SHROOM3: variants seen among roughly 807,000 people sequenced by gnomAD.
The protein encoded by SHROOM3 is shroom family member 3.
In SHROOM3, 47 loss-of-function variants were observed where a neutral mutation model predicts 138.6. The ratio of observed to expected loss-of-function variants is 0.34; its 90% confidence interval spans 0.27 to 0.43. SHROOM3 has a LOEUF of 0.43. Ranked by LOEUF, SHROOM3 falls within the 20% of genes least tolerant of loss-of-function variation. The pLI, the probability that SHROOM3 is intolerant of heterozygous loss-of-function variation, is 1.00. For missense variants in SHROOM3, 2,491 were observed against 2,596.5 expected, an observed-to-expected ratio of 0.96 and a Z score of 0.88; for synonymous variants, 1,062 against 1,063.3, an observed-to-expected ratio of 1.00 and a Z score of 0.02.
chr4:76,769,555 T>TA (rs1370318010), intron 9 of SHROOM3, among the ~76,000 whole-genome samples: 19 of 152,180 alleles, frequency 1.2e-4, no homozygotes, highest in Admixed American at 6.5e-5. Flanking sequence ...GCTTCACTGT[T>TA]TTATAAGTAT....
chr4:76,750,525 G>A (rs1332634473), intron 6 of SHROOM3, among the ~76,000 whole-genome samples: 1 of 152,148 alleles, frequency 6.6e-6, no homozygotes, highest in Non-Finnish European at 1.5e-5. Flanking sequence ...GGTGGAGGGT[G>A]GGAGGAAGGT....
At chr4:76,708,524 G>A (rs895524242) in intron 2 of SHROOM3, among the ~76,000 whole-genome samples, 1 of 152,184 alleles carries the variant, frequency 6.6e-6, no homozygotes, top group Non-Finnish European at 1.5e-5. Flanking sequence ...GGTCTAAAGG[G>A]GTCCTGAAAA....
intron 1 of SHROOM3, among the ~76,000 whole-genome samples, chr4:76,550,087 G>A (rs11936385): frequency 0.042 from 6,263 of 150,804 alleles, 415 homozygotes; most frequent in African/African-American, 0.14. Flanking sequence ...TTGTGTGTGC[G>A]TTTTAATTTT....
chr4:76,605,857 A>G (rs1734601202), intron 2 of SHROOM3, among the ~76,000 whole-genome samples: 1 of 150,550 alleles, frequency 6.6e-6, no homozygotes, highest in East Asian at 1.9e-4. Context: ...AACACCTTTG[A>G]TACAGAATCA....
intron 1 of SHROOM3, among the ~76,000 whole-genome samples, chr4:76,528,563 GAGGC>G (rs1732754779): frequency 3.4e-5 from 1 of 29,086 alleles, no homozygotes. Flanking sequence ...TTTTTTTTTT[GAGGC>G]AGAGTTTTAC....
intron 1 of SHROOM3, among the ~76,000 whole-genome samples, chr4:76,473,144 C>T (rs1437680436): frequency 6.6e-6 from 1 of 151,866 alleles, no homozygotes; most frequent in East Asian, 1.9e-4. Context: ...AAAGCACAAG[C>T]AATCAAAGTT....
chr4:76,609,825 CA>C, intron 2 of SHROOM3, among the ~76,000 whole-genome samples: 1 of 152,212 alleles, frequency 6.6e-6, no homozygotes, highest in South Asian at 2.1e-4. Context: ...CTGGAAGTAA[CA>C]ATATAAAAGA....
intron 1 of SHROOM3, among the ~76,000 whole-genome samples, chr4:76,461,581 A>G (rs1451332645): frequency 2.2e-4 from 34 of 152,246 alleles, no homozygotes; most frequent in Admixed American, 2.2e-3. Flanking sequence ...AATGAAGCAG[A>G]CACATGATAG....
chr4:76,741,330 A>T lies in SHROOM3; in HGVS notation c.3157A>T (p.Ser1053Cys). 1 of 1,611,438 alleles carries T rather than the reference A, an allele frequency of 6.2e-7. No individual in the cohort carries two copies. Among genetic ancestry groups the T allele is most frequent in the Non-Finnish European group, 8.5e-7 (1 of 1,179,416 alleles). The change falls in exon 5 of 11, where the codon AGC (serine) becomes TGC (cysteine). Residue 1053 changes from serine (S) to cysteine (C), a missense_variant. Around this residue, in one of 4 missense-constraint regions of SHROOM3, gnomAD observed 1,733 missense variants for 1,661.6 expected, o/e 1.04. Coordinates refer to ENST00000296043, the MANE Select transcript of SHROOM3 (RefSeq NM_020859.4). This position sits in a 1 kb window ranked among gnomAD's most constrained non-coding sequence, Gnocchi z 6.2. The stretch of plus-strand genomic sequence containing the variant: ...AAATGGGATGCGTTTCCCGGAGAGC[A>T]GCGTGGCCGACCGGCGCCGTCTCTT... ...QRNGMRFPESSVADRRRLFER... is the reference protein window; with the variant it reads ...QRNGMRFPESCVADRRRLFER...
At chr4:76,675,588 T>C (rs1281000327) in intron 2 of SHROOM3, among the ~76,000 whole-genome samples, 2 of 152,204 alleles carry the variant, frequency 1.3e-5, no homozygotes, top group African/African-American at 4.8e-5. Flanking sequence ...CCAGGCGCGA[T>C]GGCTGATGCC....
intron 1 of SHROOM3, among the ~76,000 whole-genome samples, chr4:76,513,740 C>T (rs1220516081): frequency 6.6e-6 from 1 of 152,160 alleles, no homozygotes; most frequent in Non-Finnish European, 1.5e-5. Flanking sequence ...TTAGCAAACA[C>T]CTACAGAGAT....
intron 1 of SHROOM3, among the ~76,000 whole-genome samples, chr4:76,539,322 TGGG>T (rs1400613613): frequency 6.6e-6 from 1 of 152,202 alleles, no homozygotes; most frequent in Non-Finnish European, 1.5e-5. Context: ...GTCCAGGGTC[TGGG>T]TTCTGATCAG....
intron 1 of SHROOM3, among the ~76,000 whole-genome samples, chr4:76,453,269 C>G (rs1259892492): frequency 2.0e-5 from 3 of 149,216 alleles, no homozygotes; most frequent in African/African-American, 7.5e-5. Context: ...TAATTTTTCT[C>G]TAATTAATTT....
At chr4:76,764,679 C>G (rs1336962998) in intron 9 of SHROOM3, among the ~76,000 whole-genome samples, 2 of 152,208 alleles carry the variant, frequency 1.3e-5, no homozygotes, top group Non-Finnish European at 2.9e-5. Flanking sequence ...TGTTCACTTT[C>G]CTCTTGCTTC....
At chr4:76,737,718 T>G (rs1721120171) in intron 4 of SHROOM3, among the ~76,000 whole-genome samples, 1 of 152,158 alleles carries the variant, frequency 6.6e-6, no homozygotes, top group Non-Finnish European at 1.5e-5. Flanking sequence ...TGTTCCCTAG[T>G]ATCTTGTTGT....
At chr4:76,541,625 G>A (rs11724031) in intron 1 of SHROOM3, among the ~76,000 whole-genome samples, 18,116 of 148,510 alleles carry the variant, frequency 0.12, 1,240 homozygotes, top group African/African-American at 0.17. Flanking sequence ...ATATGTGGGC[G>A]CACACACACA....
At chr4:76,524,572 T>C (rs748240934) in intron 1 of SHROOM3, among the ~76,000 whole-genome samples, 3 of 152,120 alleles carry the variant, frequency 2.0e-5, no homozygotes, top group Admixed American at 6.6e-5. Context: ...CAAAACAGGG[T>C]TTCTCCCTGC....
chr4:76,624,439 G>A (rs1282004481), intron 2 of SHROOM3, among the ~76,000 whole-genome samples: 1 of 152,134 alleles, frequency 6.6e-6, no homozygotes, highest in African/African-American at 2.4e-5. Context: ...TCATTCTTGG[G>A]AAGTTTTTAG....
chr4:76,730,467 G>A (rs567795199), intron 3 of SHROOM3, among the ~76,000 whole-genome samples: 1 of 152,280 alleles, frequency 6.6e-6, no homozygotes, highest in South Asian at 2.1e-4. Context: ...AAAGACCAAG[G>A]CAACTCCATG....
Sources: gnomAD v4.1 joint callset for allele counts (sites outside exome capture counted in the v4.1 genomes callset) on GRCh38, gnomAD v4.1.1 for gene constraint, gnomAD v4.1.1 regional missense constraint, Gnocchi (gnomAD v3.1) non-coding constraint, MANE v1.5 for transcripts, NCBI Gene and HGNC (gene_info 2026-07-23, HGNC 2026-07-21) for gene names.